ZFHX3: variants seen among roughly 807,000 people sequenced by gnomAD.
ZFHX3 encodes the protein zinc finger homeobox protein 3.
ZFHX3 carries 42 observed loss-of-function variants against 279.1 expected under a neutral mutation model. The observed-to-expected ratio is 0.15, with a 90% CI of 0.12 to 0.19. The LOEUF (loss-of-function observed/expected upper bound fraction) is 0.19, where lower values mean the gene tolerates loss of function less well. ZFHX3 is among the 10% of genes least tolerant of loss of function. The pLI is 1.00. For synonymous variants in ZFHX3, 2,293 were observed against 1,957.8 expected (o/e 1.17, Z -4.52); for missense variants, 4,981 against 4,754.0 (o/e 1.05, Z -1.40).
At chr16:72,843,898 T>C (rs2037412156) in intron 4 of ZFHX3, among the ~76,000 whole-genome samples, 1 of 152,176 alleles carries the variant, frequency 6.6e-6, no homozygotes, top group Non-Finnish European at 1.5e-5. Context: ...CAATCCTGTT[T>C]CCAGGCACCT....
intron 2 of ZFHX3, among the ~76,000 whole-genome samples, chr16:73,633,899 A>C (rs1198527141): frequency 2.7e-5 from 4 of 148,934 alleles, no homozygotes; most frequent in African/African-American, 7.3e-5. Flanking sequence ...CTCCATCACA[A>C]AAAAAAAAAG....
chr16:72,983,012 C>T (rs1417054098), intron 1 of ZFHX3, among the ~76,000 whole-genome samples: 1 of 152,138 alleles, frequency 6.6e-6, no homozygotes, highest in Non-Finnish European at 1.5e-5. Flanking sequence ...TGTAGCATGA[C>T]CCAAGCAAAG....
intron 2 of ZFHX3, among the ~76,000 whole-genome samples, chr16:73,592,219 T>A (rs1166645679): frequency 6.6e-6 from 1 of 152,010 alleles, no homozygotes; most frequent in Non-Finnish European, 1.5e-5. Flanking sequence ...GGCGACAGAG[T>A]GAGACTGTCT....
Position 72,794,239 on chromosome 16 carries a change from T to C in ZFHX3, c.8443A>G (p.Ser2815Gly). ...IKVEGIEDFESPSMSSVNLNF... is the reference protein window; with the variant it reads ...IKVEGIEDFEGPSMSSVNLNF... ...AGATTAACTGAGGACATGGAGGGGC[T>C]TTCAAAGTCTTCAATCCCTTCCACC... is the stretch of plus-strand genomic sequence containing the variant. Residue 2815 changes from serine to glycine, a missense_variant, in exon 9 of 10, where the codon AGC (serine) becomes GGC (glycine). By Grantham distance (56) the Ser-to-Gly change is moderately conservative. Around this residue, in one of 7 missense-constraint regions of ZFHX3, gnomAD observed 744 missense variants for 701.3 expected, o/e 1.06. Transcript: ENST00000268489. The surrounding 1 kb of genome is among the most constrained non-coding windows in gnomAD (Gnocchi z 4.2). 1.9e-6 allele frequency: 3 copies of C among 1,614,210 alleles called. No individual in the cohort carries two copies. The highest frequency in any genetic ancestry group is 1.7e-6 in the Non-Finnish European group (2 of 1,180,040).
At chr16:73,850,040 A>C (rs1478919113) in intron 1 of ZFHX3, among the ~76,000 whole-genome samples, 2 of 152,134 alleles carry the variant, frequency 1.3e-5, no homozygotes, top group African/African-American at 2.4e-5. Flanking sequence ...GCCAGCATTT[A>C]TTTTTAAAAG....
intron 1 of ZFHX3, among the ~76,000 whole-genome samples, chr16:73,771,955 T>G (rs1431900035): frequency 6.6e-6 from 1 of 152,140 alleles, no homozygotes; most frequent in Non-Finnish European, 1.5e-5. Context: ...AATTACTTCT[T>G]CAGTCAGTCC....
Position 72,797,188 on chromosome 16 carries a change from G to C in ZFHX3, c.5494C>G (p.Leu1832Val). ...TGAACCTGAGCCTTCAGATCTTCCA[G>C]CAGGCCTGGGCCTGTCCCAGTCAGT... ...LTLTGTGPGLLEDLKAQVQVP... is the reference protein window; with the variant it reads ...LTLTGTGPGLVEDLKAQVQVP... Residue 1832 changes from leucine to valine, a missense_variant, in exon 9 of 10, where the codon CTG (leucine) becomes GTG (valine). Physicochemically the swap from Leu to Val is conservative, Grantham distance 32. Coordinates refer to ENST00000268489, the MANE Select transcript of ZFHX3 (RefSeq NM_006885.4). 1 of 1,614,088 alleles carries C rather than the reference G, an allele frequency of 6.2e-7. No homozygotes were observed. Among genetic ancestry groups the C allele is most frequent in the Non-Finnish European group, 8.5e-7 (1 of 1,180,024 alleles).
chr16:73,021,726 G>A (rs937686525), intron 1 of ZFHX3, among the ~76,000 whole-genome samples: 14 of 151,696 alleles, frequency 9.2e-5, no homozygotes, highest in Middle Eastern at 3.4e-3. Context: ...GGCTACTCAG[G>A]AGGCTGAGGC....
intron 4 of ZFHX3, among the ~76,000 whole-genome samples, chr16:72,841,795 T>C (rs2037351994): frequency 6.6e-6 from 1 of 152,152 alleles, no homozygotes; most frequent in African/African-American, 2.4e-5. Flanking sequence ...ATTCCACAAA[T>C]GTATACAGCA....
At chr16:73,114,513 T>C (rs1055791109) in intron 7 of ZFHX3, among the ~76,000 whole-genome samples, 4 of 151,548 alleles carry the variant, frequency 2.6e-5, no homozygotes, top group African/African-American at 7.3e-5. Context: ...CCCATCTCTA[T>C]GAAAAAGATT....
At chr16:72,834,274 C>T (rs1186590803) in intron 4 of ZFHX3, among the ~76,000 whole-genome samples, 1 of 152,150 alleles carries the variant, frequency 6.6e-6, no homozygotes, top group Non-Finnish European at 1.5e-5. Flanking sequence ...AAAACTCTTT[C>T]CATCACCACC....
chr16:73,831,838 G>A (rs1449493288), intron 1 of ZFHX3, among the ~76,000 whole-genome samples: 1 of 152,214 alleles, frequency 6.6e-6, no homozygotes, highest in Non-Finnish European at 1.5e-5. Flanking sequence ...CAGGCAACTG[G>A]ACATCCATTT....
At chr16:73,605,471 AG>A in intron 2 of ZFHX3, among the ~76,000 whole-genome samples, 1 of 152,174 alleles carries the variant, frequency 6.6e-6, no homozygotes, top group East Asian at 1.9e-4. Context: ...TTCTAACCTT[AG>A]CCCCAAATTA....
chr16:72,804,357 C>A (rs1306773512), intron 7 of ZFHX3, among the ~76,000 whole-genome samples: 2 of 152,186 alleles, frequency 1.3e-5, no homozygotes, highest in Non-Finnish European at 2.9e-5. Context: ...GCTTATGATG[C>A]AGAATAAATA....
At chr16:73,456,432 A>G (rs927149857) in intron 2 of ZFHX3, among the ~76,000 whole-genome samples, 1 of 152,074 alleles carries the variant, frequency 6.6e-6, no homozygotes, top group Non-Finnish European at 1.5e-5. Flanking sequence ...ACACTACCCA[A>G]AGCAAAAAGA....
At chr16:73,835,912 T>G (rs1457869922) in intron 1 of ZFHX3, among the ~76,000 whole-genome samples, 2 of 152,154 alleles carry the variant, frequency 1.3e-5, no homozygotes, top group East Asian at 3.8e-4. Flanking sequence ...CTCTTACTAC[T>G]TTTTCCACAT....
At chr16:73,294,233 T>C (rs1317535755) in intron 4 of ZFHX3, 2 of 152,092 alleles carry the variant, frequency 1.3e-5, no homozygotes, top group Non-Finnish European at 2.9e-5. Context: ...GAGGAGGAGG[T>C]CCCATTCCTG....
At chr16:73,300,451 G>C (rs2015027064) in intron 4 of ZFHX3, among the ~76,000 whole-genome samples, 1 of 152,078 alleles carries the variant, frequency 6.6e-6, no homozygotes, top group Non-Finnish European at 1.5e-5. Flanking sequence ...GCCCATAGGT[G>C]GCCGTGTGTG....
chr16:72,786,412 A>ATTAT lies in ZFHX3; in HGVS notation c.*748_*751dup, dbSNP rs1555514754. On this transcript the variant is annotated 3_prime_UTR_variant, in exon 10 of 10. Coordinates refer to ENST00000268489, the MANE Select transcript of ZFHX3 (RefSeq NM_006885.4). ...TCAACACTCTTTGTGTGTGTGGGTT[A>ATTAT]TTATTTTTTTTTTTTTTTGAAAGTG... 6.9e-6 allele frequency: 1 copy of ATTAT among 145,616 alleles called. No individual in the cohort carries two copies. The highest frequency in any genetic ancestry group is 2.5e-5 in the African/African-American group (1 of 39,812). The allele number at this position is 145,616 out of a possible 1,614,324, so 9.0% of individuals were successfully genotyped here. A position where few individuals can be genotyped will look rare whatever the true frequency, so the allele number is the denominator to read the frequency against.
Sources: gnomAD v4.1 joint callset for allele counts (sites outside exome capture counted in the v4.1 genomes callset) on GRCh38, gnomAD v4.1.1 for gene constraint, gnomAD v4.1.1 regional missense constraint, Gnocchi (gnomAD v3.1) non-coding constraint, MANE v1.5 for transcripts, NCBI Gene and HGNC (gene_info 2026-07-23, HGNC 2026-07-21) for gene names.